Variants in PSPC1 observed in about 807,000 individuals in gnomAD.
PSPC1 encodes paraspeckle component 1, also known as paraspeckle protein 1.
Under a neutral mutation model 51.6 loss-of-function variants are expected in PSPC1, and 14 were observed. The observed-to-expected ratio is 0.27, with a 90% CI of 0.18 to 0.42. PSPC1 has a LOEUF of 0.42. PSPC1 is among the 10% of genes least tolerant of loss of function. The pLI, the probability that PSPC1 is intolerant of heterozygous loss-of-function variation, is 1.00. For missense variants in PSPC1, 406 were observed against 701.1 expected (o/e 0.58, Z 4.75); for synonymous variants, 193 against 231.9 (o/e 0.83, Z 1.53).
chr13:19,738,397 T>C (rs183167056), intron 5 of PSPC1, among the ~76,000 whole-genome samples: 32 of 152,264 alleles, frequency 2.1e-4, no homozygotes, highest in African/African-American at 5.8e-4. Context: ...TATGGTGTAG[T>C]ATTCGCATAT....
chr13:19,755,030 C>T (rs896311015), intron 3 of PSPC1, among the ~76,000 whole-genome samples: 3 of 151,828 alleles, frequency 2.0e-5, no homozygotes, highest in Non-Finnish European at 4.4e-5. Flanking sequence ...CCCAGGAGTT[C>T]GAGACCACGC....
At chr13:19,750,253 G>A (rs1440678894) in intron 4 of PSPC1, among the ~76,000 whole-genome samples, 1 of 151,888 alleles carries the variant, frequency 6.6e-6, no homozygotes, top group Non-Finnish European at 1.5e-5. Context: ...GATCTCTGGG[G>A]ACAGCCAAGA....
chr13:19,738,905 CAA>C (rs35177083), intron 5 of PSPC1, among the ~76,000 whole-genome samples: 2,862 of 111,974 alleles, frequency 0.026, 31 homozygotes, highest in Middle Eastern at 0.12. Context: ...GACTCCATCT[CAA>C]AAAAAAAAAA....
intron 1 of PSPC1, among the ~76,000 whole-genome samples, chr13:19,778,391 C>CT (rs1889439787): frequency 9.6e-6 from 1 of 103,740 alleles, no homozygotes; most frequent in Non-Finnish European, 1.9e-5. Context: ...CTCCCCCTCC[C>CT]CCTCCCTCTC....
chr13:19,779,648 T>C (rs1593796806), intron 1 of PSPC1, among the ~76,000 whole-genome samples: 1 of 34,126 alleles, frequency 2.9e-5, no homozygotes, highest in Non-Finnish European at 5.8e-5. Flanking sequence ...GAGGAGCCCC[T>C]CTGCCCGGCC....
rs374713767 is a variant in PSPC1, at chr13:19,772,328, T to C, written c.588A>G (p.Thr196=). 5 of 1,614,252 alleles carry C rather than the reference T, an allele frequency of 3.1e-6. No homozygotes were observed. The highest frequency in any genetic ancestry group is 3.4e-6 in the Non-Finnish European group (4 of 1,180,048). Residue 196 remains threonine, a synonymous_variant, in exon 2 of 9, where the codon ACA becomes ACG. Transcript: ENST00000338910. ...VVVVDDRGRA[T]GKGFVEFAAK... is the part of the protein sequence containing the mutation. Reference sequence around the variant, plus strand: ...CTGCAAACTCTACAAAACCTTTTCCTGTAGCTCTACCGCGATCATCCACAA... The same window carrying C: ...CTGCAAACTCTACAAAACCTTTTCCCGTAGCTCTACCGCGATCATCCACAA...
chr13:19,745,634 T>C lies in PSPC1; in HGVS notation c.968-3985A>G, dbSNP rs1360539730. Among the ~76,000 whole-genome samples the C allele has an allele frequency of 2.0e-5, 3 of 151,828 alleles. No individual in the cohort carries two copies. The East Asian group carries it at 5.8e-4, about 29-fold the overall frequency. ...CACTGAATTAATTTTTTTTTTTTTT[T>C]TTGAGATGGGAGTCTCGCTCTGTCG... On this transcript the variant is annotated intron_variant, in intron 4 of 8. Transcript: ENST00000338910.
At chr13:19,702,330 C>T (rs1426257055), downstream of PSPC1, among the ~76,000 whole-genome samples, 3 of 152,290 alleles carry the variant, frequency 2.0e-5, no homozygotes, top group East Asian at 1.9e-4. Context: ...ACAGCAAATC[C>T]TCACTTCACA....
At chr13:19,775,910 A>G (rs959212376) in intron 1 of PSPC1, among the ~76,000 whole-genome samples, 6 of 151,968 alleles carry the variant, frequency 3.9e-5, no homozygotes, top group Admixed American at 6.6e-5. Flanking sequence ...AATTAGCCGG[A>G]CGTGGCAGTG....
In PSPC1 at chr13:19,780,948, GGAATTCGAAAGCAACC is replaced by G. The variant is rs1241445667; in HGVS notation, c.372+1422_372+1437del. Among the ~76,000 whole-genome samples, 3 of 152,118 alleles carry G rather than the reference GGAATTCGAAAGCAACC, an allele frequency of 2.0e-5. No homozygotes were observed. In the East Asian group the frequency reaches 5.8e-4, roughly 30 times the overall value. Reference sequence around the variant, plus strand: ...AAGGCGGGAGGATCGTTTGAGCCCAGGAATTCGAAAGCAACCTGGACAACATGGCGAAACACCGCCT... The same window carrying G: ...AAGGCGGGAGGATCGTTTGAGCCCAGTGGACAACATGGCGAAACACCGCCT... On this transcript the variant is annotated intron_variant, in intron 1 of 8. Transcript: ENST00000338910.
chr13:19,746,886 GATC>G (rs1160068602), intron 4 of PSPC1, among the ~76,000 whole-genome samples: 1 of 152,142 alleles, frequency 6.6e-6, no homozygotes, highest in Non-Finnish European at 1.5e-5. Flanking sequence ...GAGGCGGATG[GATC>G]ACTTGAGGTC....
At position 19,689,471 on chromosome 13, in the gene PSPC1, A is replaced by G. The variant is rs79578347; in HGVS notation, c.1159-11648T>C. 2.6e-3 allele frequency among the ~76,000 whole-genome samples: 399 copies of G among 152,346 alleles called. 3 individuals carry two copies. Among genetic ancestry groups the G allele is most frequent in the African/African-American group, 9.2e-3 (382 of 41,576 alleles). On this transcript the variant is annotated intron_variant and NMD_transcript_variant, in intron 6 of 7. Coordinates refer to the PSPC1 transcript ENST00000471658. ...GCTCCAAAAGTACTTAAGACTATATATACTACTATAATGTGATTATTAACC... is the reference window on the plus strand; with the variant it reads ...GCTCCAAAAGTACTTAAGACTATATGTACTACTATAATGTGATTATTAACC...
intron 2 of PSPC1, among the ~76,000 whole-genome samples, chr13:19,766,907 T>G (rs1345606401): frequency 6.6e-6 from 1 of 150,892 alleles, no homozygotes; most frequent in Non-Finnish European, 1.5e-5. Flanking sequence ...CACACACTTG[T>G]AATCCCAGCA....
At position 19,772,532 on chromosome 13, in the gene PSPC1, G is replaced by C. The variant is rs373146127; in HGVS notation, c.384C>G (p.Thr128=). The C allele has an allele frequency of 8.2e-6, 13 of 1,579,348 alleles. No homozygotes were observed. The Admixed American group carries it at 2.1e-4, about 25-fold the overall frequency. ...GCTCTGCTTTTGCAATTTCAGCCAG[G>C]GTTCTGGATTCCTTTTTAGGAAGAA... ...GFGFIRLESR[T]LAEIAKAELD... Residue 128 remains threonine (T), a synonymous_variant, in exon 2 of 9, where the codon ACC becomes ACG. Coordinates refer to ENST00000338910, the MANE Select transcript of PSPC1 (RefSeq NM_001354909.2).
chr13:19,772,716 T>C (rs376077822), intron 1 of PSPC1, among the ~76,000 whole-genome samples, 173 bp from the exon 2 acceptor site: 10 of 152,336 alleles, frequency 6.6e-5, no homozygotes, highest in African/African-American at 2.4e-4. Context: ...AATGATCATT[T>C]TAAACATTTT....
At chr13:19,725,950 G>A (rs556658751) in intron 6 of PSPC1, among the ~76,000 whole-genome samples, 43 of 152,158 alleles carry the variant, frequency 2.8e-4, no homozygotes, top group Non-Finnish European at 5.7e-4. Flanking sequence ...GCTTCAGGAG[G>A]TCAAGACCAG....
intron 4 of PSPC1, 61 bp downstream of exon 4, chr13:19,751,210 G>A (rs565976771): frequency 5.2e-6 from 7 of 1,347,078 alleles, no homozygotes; most frequent in African/African-American, 3.0e-5. Flanking sequence ...GTACATGAAT[G>A]GTACACACAC....
chr13:19,771,909 G>T (rs1210121295), intron 2 of PSPC1, among the ~76,000 whole-genome samples: 1 of 152,102 alleles, frequency 6.6e-6, no homozygotes, highest in Non-Finnish European at 1.5e-5. Flanking sequence ...CCCCTGAGGT[G>T]CTTTTTATTA....
chr13:19,731,226 A>G (rs568010650), intron 5 of PSPC1, among the ~76,000 whole-genome samples: 67 of 152,290 alleles, frequency 4.4e-4, no homozygotes, highest in African/African-American at 1.6e-3. Context: ...AAACATTTAC[A>G]TTACTGTCTA....
Sources: allele counts gnomAD v4.1 joint callset (sites outside exome capture counted in the v4.1 genomes callset), GRCh38; gene constraint gnomAD v4.1.1; transcripts MANE v1.5; gene names NCBI Gene and HGNC (gene_info 2026-07-23, HGNC 2026-07-21).